Variants in STMN2 observed in about 807,000 individuals in gnomAD.
STMN2 encodes stathmin 2.
Under a neutral mutation model 24.1 loss-of-function variants are expected in STMN2, and 2 were observed. The observed-to-expected ratio is 0.08, with a 90% CI of 0.03 to 0.26. The LOEUF (loss-of-function observed/expected upper bound fraction) is 0.26. Among genes scored for constraint, STMN2 ranks in the 10% least tolerant of loss-of-function variants. The probability of loss-of-function intolerance (pLI) is 1.00; values close to 1 mark genes in which losing one functional copy is unlikely to be tolerated. For synonymous variants in STMN2, 83 were observed against 77.5 expected (o/e 1.07, Z -0.37); for missense variants, 114 against 213.6 (o/e 0.53, Z 2.91).
chr8:79,637,626 T>G (rs1312061163), intron 2 of STMN2, among the ~76,000 whole-genome samples: 1 of 152,154 alleles, frequency 6.6e-6, no homozygotes, highest in Non-Finnish European at 1.5e-5. Context: ...TTAATGTAAG[T>G]CAAATATGCA....
At chr8:79,626,602 A>C (rs1279306523) in intron 1 of STMN2, among the ~76,000 whole-genome samples, 1 of 152,024 alleles carries the variant, frequency 6.6e-6, no homozygotes, top group African/African-American at 2.4e-5. Flanking sequence ...CTTAACCCCT[A>C]CCCTACACTT....
chr8:79,660,288 T>C (rs1806475651), intron 4 of STMN2, among the ~76,000 whole-genome samples: 1 of 152,190 alleles, frequency 6.6e-6, no homozygotes, highest in Non-Finnish European at 1.5e-5. Context: ...ATCTTCTTTC[T>C]TTTGTAATTC....
In STMN2 at chr8:79,611,160, G is replaced by A; in HGVS notation, c.-36G>A. 3 of 1,613,842 alleles carry A rather than the reference G, an allele frequency of 1.9e-6. No homozygotes were observed. The highest frequency in any genetic ancestry group is 3.3e-5 in the Admixed American group (2 of 59,990). ...CTCCGCTGCTGTAGCCGGACCCTTT[G>A]CCTTCGCCACTGCTCAGCGTCTGCA... On this transcript the variant is annotated 5_prime_UTR_variant, in exon 1 of 5. Coordinates refer to ENST00000220876, the MANE Select transcript of STMN2 (RefSeq NM_007029.4).
chr8:79,655,527 T>C (rs946002865), intron 4 of STMN2, among the ~76,000 whole-genome samples: 1 of 152,142 alleles, frequency 6.6e-6, no homozygotes, highest in Admixed American at 6.6e-5. Flanking sequence ...GGCCAGGGTA[T>C]TTATGAACAC....
At chr8:79,663,645 G>A (rs1427911552) in intron 4 of STMN2, 16 of 1,529,188 alleles carry the variant, frequency 1.0e-5, no homozygotes, top group Non-Finnish European at 1.3e-5. Flanking sequence ...AGCTTCAGAG[G>A]GAAGGAGAGA....
At chr8:79,627,396 A>T (rs560261530) in intron 1 of STMN2, among the ~76,000 whole-genome samples, 1 of 152,320 alleles carries the variant, frequency 6.6e-6, no homozygotes, top group East Asian at 1.9e-4. Flanking sequence ...TCTGTGACAG[A>T]TAAAATGCAC....
chr8:79,621,277 A>G (rs771721833), intron 1 of STMN2, among the ~76,000 whole-genome samples: 3 of 152,238 alleles, frequency 2.0e-5, no homozygotes, highest in Non-Finnish European at 4.4e-5. Context: ...AAAAACGTGA[A>G]AGTGATTAGT....
chr8:79,639,458 C>T (rs1390882495), intron 2 of STMN2, among the ~76,000 whole-genome samples: 1 of 152,182 alleles, frequency 6.6e-6, no homozygotes, highest in African/African-American at 2.4e-5. Flanking sequence ...GAATGCTCAT[C>T]TGAAATTGAG....
intron 1 of STMN2, among the ~76,000 whole-genome samples, chr8:79,611,574 C>CTT (rs3079991): frequency 2.4e-4 from 36 of 148,266 alleles, no homozygotes; most frequent in East Asian, 8.0e-4. Flanking sequence ...TTATAACGAC[C>CTT]TTTTTTTTTT....
intron 4 of STMN2, among the ~76,000 whole-genome samples, chr8:79,660,679 G>A (rs1386844352): frequency 6.6e-6 from 1 of 151,926 alleles, no homozygotes; most frequent in East Asian, 1.9e-4. Flanking sequence ...ATAGTCTTGG[G>A]GATACAGGTG....
chr8:79,640,392 C>G (rs570730038), intron 2 of STMN2, among the ~76,000 whole-genome samples: 77 of 152,298 alleles, frequency 5.1e-4, no homozygotes, highest in African/African-American at 1.8e-3. Context: ...GCTTATTTCA[C>G]TTAGCATAGT....
At chr8:79,626,022 A>T (rs201585389) in intron 1 of STMN2, among the ~76,000 whole-genome samples, 1 of 73,450 alleles carries the variant, frequency 1.4e-5, no homozygotes, top group Non-Finnish European at 2.6e-5. Flanking sequence ...AATGCTTATT[A>T]ATAAGCAATG....
At chr8:79,616,997 A>G (rs902069445) in intron 1 of STMN2, among the ~76,000 whole-genome samples, 2 of 152,248 alleles carry the variant, frequency 1.3e-5, no homozygotes, top group African/African-American at 4.8e-5. Flanking sequence ...CAAGCTTACT[A>G]TCATTTATGA....
At chr8:79,658,165 G>T (rs968944657) in intron 4 of STMN2, among the ~76,000 whole-genome samples, 1 of 152,098 alleles carries the variant, frequency 6.6e-6, no homozygotes, top group African/African-American at 2.4e-5. Context: ...TGGCACACTT[G>T]TAAAAATGCC....
At position 79,663,249 on chromosome 8, in the gene STMN2, A is replaced by C. The variant is rs947588514; in HGVS notation, c.481-1566A>C. ...CAACTATAAAATGTTCTCCTCACTCAACATTGAAATTGTATAGCAGTGATT... is the reference window on the plus strand; with the variant it reads ...CAACTATAAAATGTTCTCCTCACTCCACATTGAAATTGTATAGCAGTGATT... On this transcript the variant is annotated intron_variant, in intron 4 of 4. Transcript: ENST00000220876. 5.3e-5 allele frequency among the ~76,000 whole-genome samples: 8 copies of C among 152,222 alleles called. No individual in the cohort carries two copies. In the East Asian group the frequency reaches 1.5e-3, roughly 29 times the overall value.
chr8:79,656,054 T>G (rs1375297877), intron 4 of STMN2, among the ~76,000 whole-genome samples: 1 of 152,224 alleles, frequency 6.6e-6, no homozygotes, highest in Non-Finnish European at 1.5e-5. Flanking sequence ...GCCCTTCTCA[T>G]CTAAGGTTCA....
At chr8:79,621,178 T>G (rs1809507646) in intron 1 of STMN2, among the ~76,000 whole-genome samples, 1 of 152,202 alleles carries the variant, frequency 6.6e-6, no homozygotes. Flanking sequence ...CAGGTCAATT[T>G]TCCTGTTTGT....
intron 3 of STMN2, among the ~76,000 whole-genome samples, chr8:79,644,726 T>C (rs995036345): frequency 6.6e-6 from 1 of 152,240 alleles, no homozygotes; most frequent in Non-Finnish European, 1.5e-5. Context: ...ACTATAACAA[T>C]TAGAATAATT....
chr8:79,627,388 T>C (rs11988729), intron 1 of STMN2, among the ~76,000 whole-genome samples: 20,309 of 152,240 alleles, frequency 0.13, 1,897 homozygotes, highest in African/African-American at 0.26. Flanking sequence ...TGGTATTTTC[T>C]GTGACAGATA....
Sources: gnomAD v4.1 joint callset for allele counts (sites outside exome capture counted in the v4.1 genomes callset) on GRCh38, gnomAD v4.1.1 for gene constraint, MANE v1.5 for transcripts, NCBI Gene and HGNC (gene_info 2026-07-23, HGNC 2026-07-21) for gene names.